The following NALCN variants were observed in gnomAD, a reference collection of about 807,000 sequenced individuals.
The protein encoded by NALCN is sodium leak channel NALCN.
In NALCN, 111 loss-of-function variants were observed where a neutral mutation model predicts 225.3. The ratio of observed to expected loss-of-function variants is 0.49; its 90% CI spans 0.42 to 0.58. NALCN has a LOEUF of 0.58. Ranked by LOEUF, NALCN falls within the 20% of genes least tolerant of loss-of-function variation. The pLI, the probability that NALCN is intolerant of heterozygous loss-of-function variation, is 0.00. For missense variants in NALCN, 1,378 were observed against 2,202.4 expected, an observed-to-expected ratio of 0.63 and a Z score of 7.49; for synonymous variants, 764 against 769.0, an observed-to-expected ratio of 0.99 and a Z score of 0.11.
intron 11 of NALCN, among the ~76,000 whole-genome samples, chr13:101,238,734 G>A (rs978554485): frequency 1.3e-5 from 2 of 151,898 alleles, no homozygotes; most frequent in Non-Finnish European, 2.9e-5. Flanking sequence ...GTCATAATAT[G>A]TCCCTCTGAG....
rs1392038887 is a variant in NALCN at position 101,192,140 on chromosome 13, A to G, written c.1627-86T>C. Reference sequence around the variant, plus strand: ...TAGCATGTGATGTTTGAAGACTTTGATCTCAATATTATTGATTTTTATCTG... The same window carrying G: ...TAGCATGTGATGTTTGAAGACTTTGGTCTCAATATTATTGATTTTTATCTG... On this transcript the variant is annotated intron_variant, in intron 13 of 43. Transcript: ENST00000251127. The G allele has an allele frequency of 2.1e-6, 3 of 1,449,978 alleles. No homozygotes were observed. The African/African-American group carries it at 4.4e-5, about 22-fold the overall frequency. 89.8% of individuals were successfully genotyped at this position (1,449,978 alleles called of 1,614,324 possible). A position where few individuals can be genotyped will look rare whatever the true frequency, so the allele number is the denominator to read the frequency against.
chr13:101,215,275 T>G (rs2040684825), intron 13 of NALCN, among the ~76,000 whole-genome samples: 1 of 152,146 alleles, frequency 6.6e-6, no homozygotes, highest in Admixed American at 6.6e-5. Flanking sequence ...TAAAAAGAAT[T>G]ATTTCACATG....
chr13:101,387,287 T>C (rs1369734048), intron 3 of NALCN, among the ~76,000 whole-genome samples: 1 of 150,200 alleles, frequency 6.7e-6, no homozygotes, highest in East Asian at 1.9e-4. Context: ...CTGGCATATG[T>C]GTACATCAAC....
chr13:101,263,139 G>C (rs142349867), intron 10 of NALCN, among the ~76,000 whole-genome samples: 5 of 152,282 alleles, frequency 3.3e-5, no homozygotes, highest in South Asian at 2.1e-4. Context: ...CAGTGACATC[G>C]GGAAAGTAGA....
intron 15 of NALCN, among the ~76,000 whole-genome samples, chr13:101,145,867 T>G (rs189553861): frequency 1.3e-5 from 2 of 152,240 alleles, no homozygotes; most frequent in East Asian, 3.9e-4. Context: ...TTGGAGGGAT[T>G]TGGGGGGTGG....
intron 3 of NALCN, 126 bp from the exon 4 acceptor site, chr13:101,378,779 A>T (rs924029164): frequency 4.6e-6 from 3 of 650,962 alleles, no homozygotes; most frequent in Middle Eastern, 3.6e-4. Context: ...AATAGAACAG[A>T]CTTTCACAAG....
At chr13:101,224,521 C>T (rs572706625) in intron 13 of NALCN, among the ~76,000 whole-genome samples, 1 of 152,166 alleles carries the variant, frequency 6.6e-6, no homozygotes, top group Non-Finnish European at 1.5e-5. Context: ...TTACACAATC[C>T]CTCTTGCTGC....
chr13:101,133,444 C>T (rs2036611614), intron 17 of NALCN, among the ~76,000 whole-genome samples: 1 of 152,126 alleles, frequency 6.6e-6, no homozygotes, highest in Admixed American at 6.5e-5. Flanking sequence ...ATGAATATGG[C>T]TTGATGAATG....
chr13:101,234,852 C>CT (rs397689070), intron 12 of NALCN, among the ~76,000 whole-genome samples: 3 of 88,986 alleles, frequency 3.4e-5, no homozygotes, highest in African/African-American at 1.1e-4. Context: ...ATCTATCTAT[C>CT]ATCTACCTAT....
At chr13:101,121,523 A>G (rs1304373513) in intron 18 of NALCN, among the ~76,000 whole-genome samples, 1 of 152,092 alleles carries the variant, frequency 6.6e-6, no homozygotes, top group African/African-American at 2.4e-5. Context: ...GCCTCCCTAT[A>G]CTGCTGTTAC....
chr13:101,060,210 A>ATAGTGAC (rs988171887), intron 41 of NALCN, among the ~76,000 whole-genome samples: 2 of 150,854 alleles, frequency 1.3e-5, no homozygotes, highest in African/African-American at 4.9e-5. Flanking sequence ...AACAATCAGA[A>ATAGTGAC]TAGTGACGGT....
chr13:101,224,194 C>T (rs2041051769), intron 13 of NALCN, among the ~76,000 whole-genome samples: 1 of 152,162 alleles, frequency 6.6e-6, no homozygotes, highest in Admixed American at 6.5e-5. Flanking sequence ...TTCGCCTCAC[C>T]TAAATCCTGG....
At chr13:101,282,185 C>G (rs1210178916) in intron 10 of NALCN, among the ~76,000 whole-genome samples, 1 of 152,112 alleles carries the variant, frequency 6.6e-6, no homozygotes, top group East Asian at 1.9e-4. Context: ...AAATCAGTAT[C>G]TCAAAGAGAC....
At chr13:101,403,586 T>C (rs2047537018) in intron 1 of NALCN, among the ~76,000 whole-genome samples, 1 of 152,252 alleles carries the variant, frequency 6.6e-6, no homozygotes, top group Non-Finnish European at 1.5e-5. Flanking sequence ...ACAACTTGTA[T>C]AAAATGAAAG....
At chr13:101,253,453 A>C (rs1468180789) in intron 11 of NALCN, among the ~76,000 whole-genome samples, 7 of 152,184 alleles carry the variant, frequency 4.6e-5, no homozygotes, top group African/African-American at 1.7e-4. Flanking sequence ...AAAATATTAC[A>C]TAATGCTATT....
chr13:101,307,979 G>T (rs2044208644), intron 7 of NALCN, among the ~76,000 whole-genome samples: 1 of 152,160 alleles, frequency 6.6e-6, no homozygotes, highest in African/African-American at 2.4e-5. Flanking sequence ...TGTATTGGGT[G>T]TACCTTTTGG....
At chr13:101,057,730 C>T (rs1247194924) in intron 43 of NALCN, 2 of 570,588 alleles carry the variant, frequency 3.5e-6, no homozygotes, top group African/African-American at 1.9e-5. Context: ...TGAAATGTAC[C>T]CGGAAAATGG....
intron 17 of NALCN, among the ~76,000 whole-genome samples, chr13:101,128,212 C>T (rs1028858890): frequency 1.3e-5 from 2 of 152,178 alleles, no homozygotes; most frequent in African/African-American, 4.8e-5. Context: ...TGTTTGGAAA[C>T]TGAAAACATC....
intron 15 of NALCN, among the ~76,000 whole-genome samples, chr13:101,164,969 CAG>C (rs980811041): frequency 3.9e-5 from 6 of 152,114 alleles, no homozygotes; most frequent in East Asian, 1.9e-4. Context: ...GAGTGAAATG[CAG>C]AGTTTTTCAA....
Sources: gnomAD v4.1 joint callset for allele counts (sites outside exome capture counted in the v4.1 genomes callset) on GRCh38, gnomAD v4.1.1 for gene constraint, MANE v1.5 for transcripts, NCBI Gene and HGNC (gene_info 2026-07-23, HGNC 2026-07-21) for gene names.